The following SPON1 variants were observed in gnomAD, a reference collection of about 807,000 sequenced individuals.
SPON1 encodes the protein spondin 1.
SPON1 carries 52 observed loss-of-function variants against 111.7 expected under a neutral mutation model. The observed-to-expected ratio is 0.47, with a 90% CI of 0.37 to 0.59. SPON1 has a LOEUF of 0.59. SPON1 is among the 20% of genes least tolerant of loss of function. SPON1 has a pLI of 0.00. For synonymous variants in SPON1, 410 were observed against 395.8 expected (o/e 1.04, Z -0.43); for missense variants, 957 against 1,068.5 (o/e 0.90, Z 1.46).
At chr11:14,146,202 T>C (rs1591388466) in intron 6 of SPON1, among the ~76,000 whole-genome samples, 1 of 146,596 alleles carries the variant, frequency 6.8e-6, no homozygotes, top group Non-Finnish European at 1.5e-5. Flanking sequence ...CAGGCTGGAG[T>C]GCAGTGGCAC....
rs114698711 is a variant in SPON1 at position 14,033,442 on chromosome 11, T to C, written c.346-8079T>C. On this transcript the variant is annotated intron_variant, in intron 2 of 15. Transcript: ENST00000576479. Reference sequence around the variant, plus strand: ...GGCTTGTGTCTCTTGAACCAGAAAGTGTGAGGAGGTGACGTATCAGGGGAG... The same window carrying C: ...GGCTTGTGTCTCTTGAACCAGAAAGCGTGAGGAGGTGACGTATCAGGGGAG... 6.8e-3 allele frequency among the ~76,000 whole-genome samples: 1,034 copies of C among 152,218 alleles called. 22 individuals are homozygous for C. The highest frequency in any genetic ancestry group is 0.024 in the African/African-American group (993 of 41,526).
At chr11:13,990,859 G>T (rs1315903754) in intron 2 of SPON1, among the ~76,000 whole-genome samples, 2 of 152,098 alleles carry the variant, frequency 1.3e-5, no homozygotes, top group Admixed American at 1.3e-4. Context: ...ATGAAATTCT[G>T]GGTTGAAAAT....
At chr11:13,977,232 G>A (rs1312502574) in intron 1 of SPON1, among the ~76,000 whole-genome samples, 1 of 152,164 alleles carries the variant, frequency 6.6e-6, no homozygotes, top group Non-Finnish European at 1.5e-5. Context: ...CTGGGTGATA[G>A]GGTAAGAGTA....
chr11:13,964,516 GTGTCCCC>G (rs1554907860), intron 1 of SPON1, among the ~76,000 whole-genome samples: 1 of 152,206 alleles, frequency 6.6e-6, no homozygotes, highest in African/African-American at 2.4e-5. Context: ...TCCCGGGTTT[GTGTCCCC>G]GACTTTCTCC....
intron 6 of SPON1, among the ~76,000 whole-genome samples, chr11:14,160,561 ATATATATATT>A (rs1564919082): frequency 1.1e-4 from 3 of 26,576 alleles, no homozygotes; most frequent in East Asian, 1.6e-3. Context: ...ATATATATTT[ATATATATATT>A]TATATATATA....
chr11:13,986,646 G>A (rs782559179), intron 2 of SPON1, among the ~76,000 whole-genome samples: 1 of 151,386 alleles, frequency 6.6e-6, no homozygotes, highest in Non-Finnish European at 1.5e-5. Flanking sequence ...CATGTGCCAT[G>A]GTGGTTTGCT....
chr11:13,992,562 G>C (rs1209764131), intron 2 of SPON1, among the ~76,000 whole-genome samples: 2 of 152,180 alleles, frequency 1.3e-5, no homozygotes, highest in Non-Finnish European at 2.9e-5. Flanking sequence ...TTTCCGGGGG[G>C]TGAACGGTTC....
At chr11:14,248,675 C>T (rs1453745369) in intron 7 of SPON1, among the ~76,000 whole-genome samples, 10 of 152,166 alleles carry the variant, frequency 6.6e-5, no homozygotes, top group African/African-American at 2.4e-4. Flanking sequence ...CAGAAACAGC[C>T]TTGCCTCTCT....
chr11:14,262,417 C>G (rs1849196029), intron 14 of SPON1: 1 of 434,528 alleles, frequency 2.3e-6, no homozygotes, highest in Non-Finnish European at 4.2e-6. Flanking sequence ...TTCTAGTTCA[C>G]AGAGCAGGGC....
intron 2 of SPON1, among the ~76,000 whole-genome samples, chr11:14,025,512 T>A (rs554494285): frequency 3.3e-5 from 5 of 152,242 alleles, no homozygotes; most frequent in African/African-American, 1.2e-4. Flanking sequence ...CCTTAGGAGG[T>A]CACTGCTGCC....
intron 6 of SPON1, among the ~76,000 whole-genome samples, chr11:14,226,912 A>G (rs782260455): frequency 1.3e-5 from 2 of 152,116 alleles, no homozygotes; most frequent in South Asian, 4.2e-4. Context: ...CATCATTCCA[A>G]TCTCTGCTTC....
At chr11:14,067,096 G>A (rs1848838518) in intron 3 of SPON1, among the ~76,000 whole-genome samples, 1 of 152,176 alleles carries the variant, frequency 6.6e-6, no homozygotes, top group Admixed American at 6.5e-5. Context: ...AGGATCACTT[G>A]AGTCCAAGAG....
chr11:14,168,563 T>A (rs1554932062), intron 6 of SPON1, among the ~76,000 whole-genome samples: 1 of 152,212 alleles, frequency 6.6e-6, no homozygotes, highest in East Asian at 1.9e-4. Flanking sequence ...GCAGGTTTGT[T>A]ACCTATGTAT....
At chr11:13,992,654 A>C (rs892841166) in intron 2 of SPON1, among the ~76,000 whole-genome samples, 1 of 152,052 alleles carries the variant, frequency 6.6e-6, no homozygotes, top group Non-Finnish European at 1.5e-5. Flanking sequence ...CCAAATGGCC[A>C]CCCGGTTTTG....
intron 6 of SPON1, among the ~76,000 whole-genome samples, chr11:14,209,541 T>A (rs1554936478): frequency 6.6e-6 from 1 of 152,178 alleles, no homozygotes. Context: ...GTTAGTTTGC[T>A]GAGAATAATG....
intron 6 of SPON1, among the ~76,000 whole-genome samples, chr11:14,207,996 A>G (rs115111227): frequency 0.015 from 2,294 of 152,348 alleles, 67 homozygotes; most frequent in African/African-American, 0.052. Flanking sequence ...AGTGTGGTAC[A>G]TATGTACCAT....
At chr11:14,038,716 G>A (rs572588836) in intron 2 of SPON1, among the ~76,000 whole-genome samples, 1 of 152,340 alleles carries the variant, frequency 6.6e-6, no homozygotes, top group East Asian at 1.9e-4. Context: ...ATCCTGTGGA[G>A]GATGTGGAAC....
At chr11:14,185,018 A>G (rs1422787897) in intron 6 of SPON1, among the ~76,000 whole-genome samples, 3 of 152,224 alleles carry the variant, frequency 2.0e-5, no homozygotes, top group South Asian at 2.1e-4. Context: ...ATCTCCATTC[A>G]TACCCAGCTC....
chr11:14,040,103 G>A (rs1005752274), intron 2 of SPON1, among the ~76,000 whole-genome samples: 1 of 152,148 alleles, frequency 6.6e-6, no homozygotes, highest in South Asian at 2.1e-4. Context: ...GCAGTACTTA[G>A]TGAAATTAAT....
Sources: gnomAD v4.1 joint callset for allele counts (sites outside exome capture counted in the v4.1 genomes callset) on GRCh38, gnomAD v4.1.1 for gene constraint, MANE v1.5 for transcripts, NCBI Gene and HGNC (gene_info 2026-07-23, HGNC 2026-07-21) for gene names.